The following GARNL3 variants were observed in gnomAD, a reference collection of about 807,000 sequenced individuals.
GARNL3 encodes GTPase-activating Rap/Ran-GAP domain-like protein 3.
Under a neutral mutation model 125.0 loss-of-function variants are expected in GARNL3, and 63 were observed. That is an observed-to-expected ratio of 0.50 (90% CI 0.41 to 0.62). The LOEUF (loss-of-function observed/expected upper bound fraction) is 0.62, where lower values mean the gene tolerates loss of function less well. Among genes scored for constraint, GARNL3 ranks in the 20% least tolerant of loss-of-function variants. The pLI is 0.00. For missense variants in GARNL3, 994 were observed against 1,244.0 expected (o/e 0.80, Z 3.02); for synonymous variants, 439 against 457.5 (o/e 0.96, Z 0.52).
chr9:127,300,010 A>T (rs1242890877), intron 2 of GARNL3: 1 of 242,634 alleles, frequency 4.1e-6, no homozygotes, highest in African/African-American at 2.3e-5. Flanking sequence ...GGCCATATAT[A>T]CATTTTTTTT....
rs139449559 is a variant in GARNL3 at position 127,385,121 on chromosome 9, G to C, written c.2364G>C (p.Pro788=). The change falls in exon 24 of 28, where the codon CCG becomes CCC. Residue 788 remains proline, a synonymous_variant. Transcript: ENST00000373387. This position sits in a 1 kb window ranked among gnomAD's most constrained non-coding sequence, Gnocchi z 4.1. ...ACCTGGTCCACACTGCAGTCGTGCCGCAGCTGCAGCTGGTGGCCTCCAGGG... is the reference window on the plus strand; with the variant it reads ...ACCTGGTCCACACTGCAGTCGTGCCCCAGCTGCAGCTGGTGGCCTCCAGGG... ...NGNLVHTAVV[P]QLQLVASRSD... 6.2e-7 allele frequency: 1 copy of C among 1,605,950 alleles called. No individual in the cohort carries two copies. Among genetic ancestry groups the C allele is most frequent in the Non-Finnish European group, 8.5e-7 (1 of 1,175,038 alleles).
chr9:127,301,123 C>T (rs2064771738), intron 2 of GARNL3: 1 of 156,658 alleles, frequency 6.4e-6, no homozygotes, highest in Non-Finnish European at 1.4e-5. Context: ...AATGTGACAT[C>T]TGTTGTTTTC....
At chr9:127,317,038 T>G (rs1284572941) in intron 4 of GARNL3, among the ~76,000 whole-genome samples, 1 of 152,186 alleles carries the variant, frequency 6.6e-6, no homozygotes, top group Non-Finnish European at 1.5e-5. Flanking sequence ...GATAATCCCT[T>G]TTGCTAACTG....
intron 7 of GARNL3, among the ~76,000 whole-genome samples, chr9:127,329,508 A>G (rs1829091150): frequency 6.6e-6 from 1 of 152,144 alleles, no homozygotes; most frequent in Non-Finnish European, 1.5e-5. Flanking sequence ...AAGACTTGAC[A>G]AGACCTTGCA....
At chr9:127,376,267 A>G (rs1238136872) in intron 22 of GARNL3, among the ~76,000 whole-genome samples, 1 of 146,658 alleles carries the variant, frequency 6.8e-6, no homozygotes, top group African/African-American at 2.5e-5. Context: ...GCCTCTTAAC[A>G]TTTTTTTTTT....
chr9:127,250,637 G>C (rs988250880), intron 2 of GARNL3, among the ~76,000 whole-genome samples: 3 of 152,168 alleles, frequency 2.0e-5, no homozygotes, highest in African/African-American at 7.2e-5. Context: ...GTTTGGTTTG[G>C]AGAGTCATTA....
At chr9:127,325,039 G>A (rs755748232) in intron 6 of GARNL3, 30 bp from the exon 7 acceptor site, 2 of 1,606,128 alleles carry the variant, frequency 1.2e-6, no homozygotes, top group Admixed American at 1.7e-5. Context: ...TGTTATGCCT[G>A]GATGTAACTT....
At chr9:127,367,510 AC>A (rs1329964786) in intron 22 of GARNL3, 2 of 152,222 alleles carry the variant, frequency 1.3e-5, no homozygotes, top group African/African-American at 4.8e-5. Context: ...TCACTTGGTA[AC>A]CTTTAGGGGA....
intron 4 of GARNL3, among the ~76,000 whole-genome samples, chr9:127,315,953 T>G (rs2065229770): frequency 6.6e-6 from 1 of 152,242 alleles, no homozygotes; most frequent in Non-Finnish European, 1.5e-5. Flanking sequence ...ATCCTTGCTG[T>G]GCTCACTGGG....
At chr9:127,249,615 G>C (rs1039725961) in intron 2 of GARNL3, among the ~76,000 whole-genome samples, 1 of 152,102 alleles carries the variant, frequency 6.6e-6, no homozygotes, top group Non-Finnish European at 1.5e-5. Flanking sequence ...ATAAATAAAA[G>C]ATTATGCATT....
At chr9:127,332,469 AC>A (rs1220967098) in intron 8 of GARNL3, 120 bp downstream of exon 8, 4 of 767,948 alleles carry the variant, frequency 5.2e-6, no homozygotes, top group South Asian at 5.0e-5. Flanking sequence ...AGATAGTTTT[AC>A]ACAATTTCAG....
chr9:127,291,605 T>C (rs1224391528), intron 2 of GARNL3, among the ~76,000 whole-genome samples: 1 of 151,970 alleles, frequency 6.6e-6, no homozygotes, highest in East Asian at 1.9e-4. Flanking sequence ...ATGCCAAAAA[T>C]TACTGCAATG....
rs1588892865 is a variant in GARNL3, at chr9:127,342,348, C to T, written c.1251+14C>T. ...GATTTGCATAAGGTAATTCTGGGTC[C>T]ATGGTCTTCTTTCCTTCTTATGGGG... On this transcript the variant is annotated intron_variant, in intron 14 of 27. Transcript: ENST00000373387. 6.6e-7 allele frequency: 1 copy of T among 1,518,136 alleles called. No individual in the cohort carries two copies. The highest frequency in any genetic ancestry group is 9.2e-7 in the Non-Finnish European group (1 of 1,092,488). 94.0% of individuals were successfully genotyped at this position (1,518,136 alleles called of 1,614,324 possible).
At chr9:127,225,120 G>A (rs1459891373) in intron 1 of GARNL3, 1 of 140,774 alleles carries the variant, frequency 7.1e-6, no homozygotes, top group Non-Finnish European at 1.6e-5. Flanking sequence ...TCGGGGCGGG[G>A]CTGGGGCGGG....
In GARNL3 at chr9:127,367,960, C is replaced by T. The variant is rs896278673; in HGVS notation, c.2161+2594C>T. Among the ~76,000 whole-genome samples, 11 of 145,436 alleles carry T rather than the reference C, an allele frequency of 7.6e-5. 1 individual carries two copies. Among genetic ancestry groups the T allele is most frequent in the Admixed American group, 2.0e-4 (3 of 14,740 alleles). The stretch of plus-strand genomic sequence containing the variant: ...ATTTTCCCACTATTTATTCCAGAAT[C>T]ATCAGAGTATTTATTCAGAACTCAG... On this transcript the variant is annotated intron_variant, in intron 22 of 27. Transcript: ENST00000373387.
intron 6 of GARNL3, 63 bp from the exon 7 acceptor site, chr9:127,325,006 G>A: frequency 6.7e-7 from 1 of 1,494,260 alleles, no homozygotes; most frequent in Non-Finnish European, 9.3e-7. Context: ...GGCTTTCACA[G>A]CAAGTCAAAA....
intron 1 of GARNL3, among the ~76,000 whole-genome samples, chr9:127,278,939 T>C (rs747373055): frequency 6.6e-6 from 1 of 152,144 alleles, no homozygotes; most frequent in African/African-American, 2.4e-5. Flanking sequence ...TCTTTTTCTC[T>C]TATAAAGACA....
At chr9:127,294,980 G>A (rs1024204141) in intron 2 of GARNL3, among the ~76,000 whole-genome samples, 25 of 152,214 alleles carry the variant, frequency 1.6e-4, no homozygotes, top group African/African-American at 5.3e-4. Context: ...AGATGGGGTC[G>A]TCAGAAAGCC....
chr9:127,225,319 C>G, intron 1 of GARNL3: 3 of 983,642 alleles, frequency 3.0e-6, no homozygotes, highest in Middle Eastern at 5.2e-4. Flanking sequence ...GCGATGGAAC[C>G]GGAGCCCGGC....
Sources: allele counts gnomAD v4.1 joint callset (sites outside exome capture counted in the v4.1 genomes callset), GRCh38; gene constraint gnomAD v4.1.1; non-coding constraint Gnocchi (gnomAD v3.1); transcripts MANE v1.5; gene names NCBI Gene and HGNC (gene_info 2026-07-23, HGNC 2026-07-21).